Variants in IER3IP1 observed in about 807,000 individuals in gnomAD.
The protein encoded by IER3IP1 is immediate early response 3-interacting protein 1.
IER3IP1 carries 16 observed loss-of-function variants against 12.2 expected under a neutral mutation model. The ratio of observed to expected loss-of-function variants is 1.31; its 90% CI spans 0.89 to 1.99. The LOEUF (loss-of-function observed/expected upper bound fraction) is 1.99. IER3IP1 is among the 30% of genes most tolerant of loss of function. The probability of loss-of-function intolerance (pLI) is 0.00; values close to 1 mark genes in which losing one functional copy is unlikely to be tolerated. For missense variants in IER3IP1, 95 were observed against 95.8 expected (o/e 0.99, Z 0.03); for synonymous variants, 42 against 40.0 (o/e 1.05, Z -0.19).
At position 47,153,444 on chromosome 18, in the gene IER3IP1, T is replaced by C. The variant is rs1483978788; in HGVS notation, c.*2733A>G. 1 of 151,456 alleles carries C rather than the reference T, an allele frequency of 6.6e-6. No individual in the cohort carries two copies. The highest frequency in any genetic ancestry group is 1.5e-5 in the Non-Finnish European group (1 of 67,888). The allele number at this position is 151,456 out of a possible 1,614,324, so 9.4% of individuals were successfully genotyped here. The stretch of plus-strand genomic sequence containing the variant: ...TTTAACTTTTAGGGGTACAGTACAT[T>C]TGTTAAATAGGTAAACTTGTGTCAC... On this transcript the variant is annotated 3_prime_UTR_variant, in exon 3 of 3. Coordinates refer to ENST00000256433, the MANE Select transcript of IER3IP1 (RefSeq NM_016097.5).
chr18:47,169,162 T>C (rs570849400), intron 1 of IER3IP1, among the ~76,000 whole-genome samples: 56 of 152,362 alleles, frequency 3.7e-4, no homozygotes, highest in African/African-American at 1.3e-3. Flanking sequence ...TCACATGCTA[T>C]GTGGTCTTTC....
At chr18:47,158,803 A>G (rs1050603284) in intron 1 of IER3IP1, among the ~76,000 whole-genome samples, 2 of 151,994 alleles carry the variant, frequency 1.3e-5, no homozygotes, top group African/African-American at 2.4e-5. Context: ...TCTACTAAAA[A>G]TACAAAAATT....
intron 1 of IER3IP1, among the ~76,000 whole-genome samples, chr18:47,171,748 CAG>C (rs2064016124): frequency 6.6e-6 from 1 of 152,080 alleles, no homozygotes; most frequent in Non-Finnish European, 1.5e-5. Flanking sequence ...GCTCAAATGA[CAG>C]AGACTATTAC....
At chr18:47,169,535 G>A (rs935525625) in intron 1 of IER3IP1, among the ~76,000 whole-genome samples, 6 of 151,946 alleles carry the variant, frequency 3.9e-5, no homozygotes, top group Non-Finnish European at 8.8e-5. Context: ...AACAATATAC[G>A]ACAATTCCAA....
Position 47,156,041 on chromosome 18 carries a change from C to A in IER3IP1, c.*136G>T. ...AAAAAAAAAACAGATAAATAGAAAC[C>A]CTGGTTTTATTTTCAGCTTTACATT... On this transcript the variant is annotated 3_prime_UTR_variant, in exon 3 of 3. Transcript: ENST00000256433. 7.7e-6 allele frequency: 5 copies of A among 648,700 alleles called. No homozygotes were observed. The highest frequency in any genetic ancestry group is 1.8e-5 in the South Asian group (1 of 55,054). The allele number at this position is 648,700 out of a possible 1,614,324, so 40.2% of individuals were successfully genotyped here.
Position 47,159,912 on chromosome 18 carries a change from T to C in IER3IP1, c.92-2375A>G, listed in dbSNP as rs138915122. Among the ~76,000 whole-genome samples, 644 of 152,278 alleles carry C rather than the reference T, an allele frequency of 4.2e-3. 3 individuals are homozygous for C. The highest frequency in any genetic ancestry group is 0.024 in the Middle Eastern group (7 of 294). On this transcript the variant is annotated intron_variant, in intron 1 of 2. Transcript: ENST00000256433. ...CTTTCCCTATTAAAAGTTCCCATCCTTGGCCGGGCGCGGTGGCTCACACCT... is the reference window on the plus strand; with the variant it reads ...CTTTCCCTATTAAAAGTTCCCATCCCTGGCCGGGCGCGGTGGCTCACACCT...
In IER3IP1 at chr18:47,153,394, TTTTA is replaced by T. The variant is rs1292765128; in HGVS notation, c.*2779_*2782del. 6 of 143,788 alleles carry T rather than the reference TTTTA, an allele frequency of 4.2e-5. No individual in the cohort carries two copies. The highest frequency in any genetic ancestry group is 7.6e-5 in the Non-Finnish European group (5 of 65,842). The allele number at this position is 143,788 out of a possible 1,614,324, so 8.9% of individuals were successfully genotyped here. On this transcript the variant is annotated 3_prime_UTR_variant, in exon 3 of 3. Coordinates refer to ENST00000256433, the MANE Select transcript of IER3IP1 (RefSeq NM_016097.5). The stretch of plus-strand genomic sequence containing the variant: ...CCTCCCACCCTCCCTAAAGCAGGGA[TTTTA>T]TTTTTTTATATTTTTACTTTTTTAA...
intron 1 of IER3IP1, among the ~76,000 whole-genome samples, chr18:47,169,731 T>TGATCATTTGCTTATGTTC (rs2064009176): frequency 6.6e-6 from 1 of 152,162 alleles, no homozygotes; most frequent in Non-Finnish European, 1.5e-5. Context: ...ATGTGCTTAT[T>TGATCATTTGCTTATGTTC]GATCATTTGC....
At chr18:47,160,856 T>G (rs1568071684) in intron 1 of IER3IP1, among the ~76,000 whole-genome samples, 1 of 152,228 alleles carries the variant, frequency 6.6e-6, no homozygotes, top group Non-Finnish European at 1.5e-5. Context: ...CTTCATTTAT[T>G]AATTTTGAGT....
At chr18:47,173,729 T>C (rs1275260593) in intron 1 of IER3IP1, among the ~76,000 whole-genome samples, 2 of 152,338 alleles carry the variant, frequency 1.3e-5, no homozygotes, top group East Asian at 3.9e-4. Flanking sequence ...AATTTTTTCA[T>C]AATTTTGGAG....
chr18:47,156,212 A>G lies in IER3IP1; in HGVS notation c.214T>C (p.Ser72Pro). ...AATAAAAGTAACACAATTGCAATTG[A>G]GTTTACTATTATCAATGGCACTGTA... ...VMRVPLIIVN[S>P]IAIVLLLLFG The change falls in exon 3 of 3, where the codon TCA becomes CCA. Residue 72 changes from serine (S) to proline (P), a missense_variant. Ser to Pro is a moderately conservative substitution (Grantham distance 74). Transcript: ENST00000256433. 1 of 1,569,670 alleles carries G rather than the reference A, an allele frequency of 6.4e-7. No homozygotes were observed. Among genetic ancestry groups the G allele is most frequent in the Non-Finnish European group, 8.8e-7 (1 of 1,140,706 alleles).
rs568195879 is a variant in IER3IP1 at position 47,153,073 on chromosome 18, C to G, written c.*3104G>C. ...TTGATATATTAGAAATATCTTGCCT[C>G]CTAGTCTTTTTACTAGTCAAATATC... On this transcript the variant is annotated 3_prime_UTR_variant, in exon 3 of 3. Transcript: ENST00000256433. 1 of 152,158 alleles carries G rather than the reference C, an allele frequency of 6.6e-6. No individual in the cohort carries two copies. The highest frequency in any genetic ancestry group is 2.4e-5 in the African/African-American group (1 of 41,428). The allele number at this position is 152,158 out of a possible 1,614,324, so 9.4% of individuals were successfully genotyped here. A position where few individuals can be genotyped will look rare whatever the true frequency, so the allele number is the denominator to read the frequency against.
chr18:47,172,631 C>T lies in IER3IP1; in HGVS notation c.91+3556G>A, dbSNP rs2064019060. On this transcript the variant is annotated intron_variant, in intron 1 of 2. Transcript: ENST00000256433. The surrounding 1 kb of genome is among the most constrained non-coding windows in gnomAD (Gnocchi z 4.0). ...GCTGGACAAAGGGAAGATTCATGTC[C>T]TCATGATACAGGATTCATCACGCTA... is the stretch of plus-strand genomic sequence containing the variant. Among the ~76,000 whole-genome samples the T allele has an allele frequency of 6.6e-6, 1 of 152,158 alleles. No homozygotes were observed.
Position 47,157,628 on chromosome 18 carries a change from TAAAGAC to T in IER3IP1, c.92-97_92-92del, listed in dbSNP as rs544542687. On this transcript the variant is annotated intron_variant, in intron 1 of 2. Coordinates refer to ENST00000256433, the MANE Select transcript of IER3IP1 (RefSeq NM_016097.5). ...CTAAAAGATTAGTTTGAGACCTTGT[TAAAGAC>T]AAAGTAGAAAGTCATATGACTTTTA... 4.5e-5 allele frequency: 50 copies of T among 1,099,768 alleles called. No homozygotes were observed. The African/African-American group carries it at 7.1e-4, about 16-fold the overall frequency. 68.1% of individuals were successfully genotyped at this position (1,099,768 alleles called of 1,614,324 possible).
rs1198079416 is a variant in IER3IP1, at chr18:47,153,108, CTT to C, written c.*3067_*3068del. 3.9e-5 allele frequency: 6 copies of C among 152,188 alleles called. No individual in the cohort carries two copies. Among genetic ancestry groups the C allele is most frequent in the Admixed American group, 3.9e-4 (6 of 15,274 alleles). 9.4% of individuals were successfully genotyped at this position (152,188 alleles called of 1,614,324 possible). ...TTACTAGTCAAATATCTTGCTTTCT[CTT>C]GTCATTTCACCAGTAATACACATCT... On this transcript the variant is annotated 3_prime_UTR_variant, in exon 3 of 3. Coordinates refer to ENST00000256433, the MANE Select transcript of IER3IP1 (RefSeq NM_016097.5).
At chr18:47,166,041 C>G (rs2063994971) in intron 1 of IER3IP1, among the ~76,000 whole-genome samples, 1 of 152,096 alleles carries the variant, frequency 6.6e-6, no homozygotes, top group South Asian at 2.1e-4. Flanking sequence ...CTGGATAAAG[C>G]AAACAAAAAC....
chr18:47,154,535 T>C lies in IER3IP1; in HGVS notation c.*1642A>G, dbSNP rs755250182. 1.3e-5 allele frequency: 2 copies of C among 152,228 alleles called. No homozygotes were observed. Among genetic ancestry groups the C allele is most frequent in the Non-Finnish European group, 2.9e-5 (2 of 68,038 alleles). The allele number at this position is 152,228 out of a possible 1,614,324, so 9.4% of individuals were successfully genotyped here. A position where few individuals can be genotyped will look rare whatever the true frequency, so the allele number is the denominator to read the frequency against. On this transcript the variant is annotated 3_prime_UTR_variant, in exon 3 of 3. Coordinates refer to ENST00000256433, the MANE Select transcript of IER3IP1 (RefSeq NM_016097.5). ...CTCTCTTTTCTTTCATTTTAAAAAA[T>C]TTTGTACTGCTCATACCATATGGGG...
chr18:47,173,081 T>C (rs1235508969), intron 1 of IER3IP1, among the ~76,000 whole-genome samples: 1 of 152,242 alleles, frequency 6.6e-6, no homozygotes, highest in Non-Finnish European at 1.5e-5. Flanking sequence ...TAATTCGTGC[T>C]GCTGTTCTAT....
At chr18:47,167,053 GTTT>G (rs773345227) in intron 1 of IER3IP1, among the ~76,000 whole-genome samples, 1 of 146,064 alleles carries the variant, frequency 6.8e-6, no homozygotes, top group Non-Finnish European at 1.5e-5. Context: ...GTTTGTAGCA[GTTT>G]TTTTTTTTTT....
Sources: allele counts gnomAD v4.1 joint callset (sites outside exome capture counted in the v4.1 genomes callset), GRCh38; gene constraint gnomAD v4.1.1; non-coding constraint Gnocchi (gnomAD v3.1); transcripts MANE v1.5; gene names NCBI Gene and HGNC (gene_info 2026-07-23, HGNC 2026-07-21).